TAF1: variants seen among roughly 807,000 people sequenced by gnomAD.
The protein encoded by TAF1 is transcription initiation factor TFIID subunit 1.
A neutral mutation model predicts 138.5 loss-of-function variants in TAF1; 2 were observed. The observed-to-expected ratio is 0.01, with a 90% CI of 0.01 to 0.05. The LOEUF (loss-of-function observed/expected upper bound fraction) is 0.05, where lower values mean the gene tolerates loss of function less well. Among genes scored for constraint, TAF1 ranks in the 10% least tolerant of loss-of-function variants. The probability of loss-of-function intolerance (pLI) is 1.00; values close to 1 mark genes in which losing one functional copy is unlikely to be tolerated. For missense variants in TAF1, 709 were observed against 1,478.0 expected (o/e 0.48, Z 8.53); for synonymous variants, 437 against 503.2 (o/e 0.87, Z 1.76).
chrX:71,388,837 A>C lies in TAF1; in HGVS notation c.2669A>C (p.Tyr890Ser), dbSNP rs766375351. 8.3e-7 allele frequency: 1 copy of C among 1,210,625 alleles called. No individual in the cohort carries two copies. Among genetic ancestry groups the C allele is most frequent in the Non-Finnish European group, 1.1e-6 (1 of 894,738 alleles). Residue 890 changes from tyrosine (Y) to serine (S), a missense_variant, in exon 17 of 38, where the codon TAT becomes TCT. Physicochemically the swap from Tyr to Ser is moderately radical, Grantham distance 144. Coordinates refer to ENST00000423759, the MANE Select transcript of TAF1 (RefSeq NM_004606.5). Reference sequence around the variant, plus strand: ...TCACCAGAGCAGTGCTGTGCTTATTATAGCATGATAGCTGCAGAGCAACGA... The same window carrying C: ...TCACCAGAGCAGTGCTGTGCTTATTCTAGCATGATAGCTGCAGAGCAACGA... ...MVSPEQCCAY[Y>S]SMIAAEQRLK...
At chrX:71,387,950 T>A (rs1047110309) in intron 15 of TAF1, among the ~76,000 whole-genome samples, 3 of 103,299 alleles carry the variant, frequency 2.9e-5, no homozygotes, top group African/African-American at 3.5e-5. Flanking sequence ...AAAAAAAAAA[T>A]TTAGCCAGGC....
chrX:71,524,746 G>T (rs755878950), intron 13 of TAF1, among the ~76,000 whole-genome samples: 2 of 109,456 alleles, frequency 1.8e-5, no homozygotes, highest in Non-Finnish European at 3.8e-5. Context: ...TTCAAGACCA[G>T]CCTGGCCAAC....
intron 32 of TAF1, among the ~76,000 whole-genome samples, chrX:71,445,578 A>G (rs2037655719): frequency 9.0e-6 from 1 of 111,549 alleles, no homozygotes; most frequent in Admixed American, 9.6e-5. Context: ...TTATTTCTAG[A>G]AGTCTTACTA....
intron 28 of TAF1, among the ~76,000 whole-genome samples, chrX:71,413,252 A>G (rs1291674815): frequency 1.8e-5 from 2 of 111,796 alleles, no homozygotes; most frequent in Non-Finnish European, 3.8e-5. Context: ...TAACTTTTTG[A>G]GGAACTGCCA....
chrX:71,403,536 A>G (rs1193495054), intron 25 of TAF1, among the ~76,000 whole-genome samples: 3 of 111,830 alleles, frequency 2.7e-5, no homozygotes, highest in African/African-American at 9.7e-5. Context: ...TGTTTTGATC[A>G]TCTTGTTAAA....
chrX:71,453,974 C>T (rs768424493), intron 32 of TAF1, among the ~76,000 whole-genome samples, 196 bp from the exon 33 acceptor site: 1 of 111,887 alleles, frequency 8.9e-6, no homozygotes, highest in Non-Finnish European at 1.9e-5. Flanking sequence ...CTAGTGAGTA[C>T]ATGGGAGTCC....
chrX:71,436,418 T>C (rs2037147853), intron 32 of TAF1, among the ~76,000 whole-genome samples: 2 of 109,111 alleles, frequency 1.8e-5, no homozygotes, highest in Non-Finnish European at 1.9e-5. Context: ...GGTTTCACCA[T>C]GTTAGCCAGG....
At chrX:71,437,732 C>T (rs1011610744) in intron 32 of TAF1, among the ~76,000 whole-genome samples, 2 of 109,372 alleles carry the variant, frequency 1.8e-5, no homozygotes, top group African/African-American at 3.3e-5. Flanking sequence ...AAACTTCCCC[C>T]GATCCTGCTT....
chrX:71,509,094 C>A (rs1233055130), intron 13 of TAF1, among the ~76,000 whole-genome samples: 1 of 110,951 alleles, frequency 9.0e-6, no homozygotes, highest in Non-Finnish European at 1.9e-5. Flanking sequence ...AGGCATGAGC[C>A]ACTGTGCCCG....
At chrX:71,419,152 A>G (rs1478610609) in intron 28 of TAF1, among the ~76,000 whole-genome samples, 1 of 111,971 alleles carries the variant, frequency 8.9e-6, no homozygotes, top group Non-Finnish European at 1.9e-5. Context: ...AAAAGTTGCA[A>G]TCACAAATTT....
At chrX:71,422,991 C>T in intron 29 of TAF1, 126 bp from the exon 30 acceptor site, 1 of 930,699 alleles carries the variant, frequency 1.1e-6, no homozygotes, top group Non-Finnish European at 1.5e-6. Context: ...ATCCGCCCGC[C>T]TCAGCCTCCC....
chrX:71,456,649 C>CTTTTTTTTTTTTT lies in TAF1; in HGVS notation c.4939-1561_4939-1549dup, dbSNP rs776321706. 7.5e-4 allele frequency among the ~76,000 whole-genome samples: 20 copies of CTTTTTTTTTTTTT among 26,828 alleles called. 5 individuals carry two copies. Among genetic ancestry groups the CTTTTTTTTTTTTT allele is most frequent in the East Asian group, 3.5e-3 (3 of 859 alleles). 23.3% of individuals were successfully genotyped at this position (26,828 alleles called of 115,157 possible). On this transcript the variant is annotated intron_variant, in intron 34 of 37. Coordinates refer to ENST00000423759, the MANE Select transcript of TAF1 (RefSeq NM_004606.5). ...ATGGTGGTGGTCAATAATGTATTTT[C>CTTTTTTTTTTTTT]TTTTTTTTTTTTTTTTTTTTTTTTT...
chrX:71,368,831 A>C (rs1215250164), intron 3 of TAF1: 9 of 95,173 alleles, frequency 9.5e-5, no homozygotes, highest in African/African-American at 3.1e-4. Context: ...AAAAAAAAAA[A>C]CCCAATATAA....
At chrX:71,519,310 GAGACTCCGTCTCAAA>G (rs2039883411) in intron 13 of TAF1, among the ~76,000 whole-genome samples, 1 of 101,725 alleles carries the variant, frequency 9.8e-6, no homozygotes. Flanking sequence ...GCGACAGAGC[GAGACTCCGTCTCAAA>G]AAAAAAAAAA....
At chrX:71,407,724 C>T (rs28382191) in intron 27 of TAF1, 52 bp downstream of exon 27, 5 of 1,131,193 alleles carry the variant, frequency 4.4e-6, no homozygotes, top group Non-Finnish European at 6.1e-6. Flanking sequence ...GCCTTTTGTT[C>T]TGTCTGTGAT....
chrX:71,448,049 C>T (rs1200980396), intron 32 of TAF1, among the ~76,000 whole-genome samples: 3 of 111,831 alleles, frequency 2.7e-5, no homozygotes, highest in Non-Finnish European at 3.8e-5. Flanking sequence ...CATTCCTTTT[C>T]GTGAGTGGGT....
intron 32 of TAF1, among the ~76,000 whole-genome samples, chrX:71,425,050 G>C (rs936009137): frequency 8.9e-6 from 1 of 111,858 alleles, no homozygotes; most frequent in South Asian, 3.7e-4. Flanking sequence ...AGAAAAATGA[G>C]GTGAGCATAA....
intron 32 of TAF1, 133 bp from the exon 33 acceptor site, chrX:71,454,037 G>T: frequency 2.0e-6 from 1 of 504,878 alleles, no homozygotes; most frequent in South Asian, 3.9e-5. Flanking sequence ...TCTGAAAGTA[G>T]AACAAGAGTC....
intron 28 of TAF1, chrX:71,420,226 G>A (rs1223127413): frequency 5.3e-6 from 4 of 761,570 alleles, no homozygotes; most frequent in African/African-American, 2.1e-5. Flanking sequence ...GGAAAACCCC[G>A]ATCTGTTGTG....
Sources: gnomAD v4.1 joint callset for allele counts (sites outside exome capture counted in the v4.1 genomes callset) on GRCh38, gnomAD v4.1.1 for gene constraint, MANE v1.5 for transcripts, NCBI Gene and HGNC (gene_info 2026-07-23, HGNC 2026-07-21) for gene names.